Variants in DCAF5 observed in about 807,000 individuals in gnomAD.
The protein encoded by DCAF5 is DDB1- and CUL4-associated factor 5.
A neutral mutation model predicts 80.7 loss-of-function variants in DCAF5; 9 were observed. The observed-to-expected ratio is 0.11, with a 90% CI of 0.07 to 0.19. The LOEUF (loss-of-function observed/expected upper bound fraction) is 0.19, where lower values mean the gene tolerates loss of function less well. DCAF5 is among the 10% of genes least tolerant of loss of function. DCAF5 has a pLI of 1.00. For missense variants in DCAF5, 842 were observed against 1,205.7 expected (o/e 0.70, Z 4.47); for synonymous variants, 433 against 461.9 (o/e 0.94, Z 0.80).
intron 6 of DCAF5, chr14:69,084,860 A>G: frequency 1.7e-6 from 2 of 1,177,670 alleles, no homozygotes; most frequent in Non-Finnish European, 2.5e-6. Flanking sequence ...TACTGAAGTC[A>G]ACTGGATTGT....
At chr14:69,091,925 G>A (rs529568811) in intron 5 of DCAF5, 38 bp from the exon 6 acceptor site, 35 of 1,539,356 alleles carry the variant, frequency 2.3e-5, no homozygotes, top group Non-Finnish European at 3.1e-5. Context: ...GCATGAGATA[G>A]GCTAAACAAG....
intron 6 of DCAF5, among the ~76,000 whole-genome samples, chr14:69,086,221 G>A (rs1386680611): frequency 2.0e-5 from 3 of 152,126 alleles, no homozygotes; most frequent in Non-Finnish European, 4.4e-5. Context: ...AACCGGGCGT[G>A]GTGGCGCGTG....
Position 69,081,920 on chromosome 14 carries a change from T to C in DCAF5, c.880-6509A>G, listed in dbSNP as rs115245753. 2.2e-3 allele frequency among the ~76,000 whole-genome samples: 334 copies of C among 152,344 alleles called. 3 individuals are homozygous for C. The highest frequency in any genetic ancestry group is 7.5e-3 in the African/African-American group (312 of 41,578). ...GGCTCCTTCCATAGTAATTGATTAA[T>C]GATTCTCCAGTAAATGGCATGCCTG... On this transcript the variant is annotated intron_variant, in intron 6 of 8. Coordinates refer to ENST00000341516, the MANE Select transcript of DCAF5 (RefSeq NM_003861.3).
At chr14:69,102,016 C>T (rs1032964076) in intron 5 of DCAF5, among the ~76,000 whole-genome samples, 1 of 151,990 alleles carries the variant, frequency 6.6e-6, no homozygotes, top group African/African-American at 2.4e-5. Flanking sequence ...TACACTACCA[C>T]CATAGACTAT....
At chr14:69,128,641 G>T (rs372512396) in intron 1 of DCAF5, among the ~76,000 whole-genome samples, 2 of 152,138 alleles carry the variant, frequency 1.3e-5, no homozygotes, top group Non-Finnish European at 2.9e-5. Context: ...AATATTGTGC[G>T]CCTGTAGTCC....
chr14:69,109,155 C>T (rs917931384), intron 5 of DCAF5, among the ~76,000 whole-genome samples: 1 of 151,940 alleles, frequency 6.6e-6, no homozygotes, highest in Admixed American at 6.6e-5. Flanking sequence ...TCCTGGCTAA[C>T]AAGGTGAAAC....
intron 5 of DCAF5, among the ~76,000 whole-genome samples, chr14:69,109,843 TGA>T (rs2040294798): frequency 6.6e-6 from 1 of 151,686 alleles, no homozygotes; most frequent in Non-Finnish European, 1.5e-5. Flanking sequence ...TACTTAAGAG[TGA>T]GATTGCTGGG....
chr14:69,067,964 A>C (rs1441379880), intron 7 of DCAF5, among the ~76,000 whole-genome samples: 2 of 152,098 alleles, frequency 1.3e-5, no homozygotes, highest in African/African-American at 4.8e-5. Context: ...TTTTTACTAT[A>C]ATGTAGTTAA....
intron 1 of DCAF5, among the ~76,000 whole-genome samples, chr14:69,151,642 C>CA (rs1480510232): frequency 2.0e-5 from 3 of 152,292 alleles, no homozygotes; most frequent in Middle Eastern, 6.8e-3. Flanking sequence ...CCCTAGCCCT[C>CA]ACGTAGGCCC....
intron 1 of DCAF5, among the ~76,000 whole-genome samples, chr14:69,133,918 A>G (rs75258359): frequency 0.033 from 4,975 of 152,338 alleles, 155 homozygotes; most frequent in Admixed American, 0.093. Context: ...CCAAAATCAG[A>G]TGACTAATAG....
At chr14:69,070,790 CTT>C (rs67836121) in intron 7 of DCAF5, among the ~76,000 whole-genome samples, 25 of 144,326 alleles carry the variant, frequency 1.7e-4, no homozygotes, top group Non-Finnish European at 1.5e-4. Flanking sequence ...TTTTATTTTT[CTT>C]TTTTTTTTTT....
intron 1 of DCAF5, among the ~76,000 whole-genome samples, chr14:69,130,560 G>T (rs952677747): frequency 6.6e-6 from 1 of 152,072 alleles, no homozygotes; most frequent in African/African-American, 2.4e-5. Flanking sequence ...ACTTAAAAAT[G>T]GTTAAAATGG....
rs1380710232 is a variant in DCAF5, at chr14:69,152,996, C to T, written c.-18G>A. The T allele has an allele frequency of 2.0e-6, 3 of 1,535,148 alleles. No homozygotes were observed. The highest frequency in any genetic ancestry group is 2.6e-6 in the Non-Finnish European group (3 of 1,147,062). On this transcript the variant is annotated 5_prime_UTR_variant, in exon 1 of 9. Coordinates refer to ENST00000341516, the MANE Select transcript of DCAF5 (RefSeq NM_003861.3). This position sits in a 1 kb window ranked among gnomAD's most constrained non-coding sequence, Gnocchi z 4.1. ...CTCTTCATGCTGGAACCGCCGCCGC[C>T]GCCGCTCGCGCCGCCGCCCCTCCCT...
At chr14:69,127,384 A>G (rs1390941964) in intron 1 of DCAF5, among the ~76,000 whole-genome samples, 2 of 152,242 alleles carry the variant, frequency 1.3e-5, no homozygotes, top group Non-Finnish European at 2.9e-5. Context: ...AAAAAAGCCA[A>G]TCTGAAAAGG....
Position 69,054,052 on chromosome 14 carries a change from G to C in DCAF5, c.2634C>G (p.Leu878=). The change falls in exon 9 of 9, where the codon CTC becomes CTG. Residue 878 remains leucine, a synonymous_variant. Coordinates refer to ENST00000341516, the MANE Select transcript of DCAF5 (RefSeq NM_003861.3). ...DRDNSSLTGT[L]LHKDCCGSEM... is the part of the protein sequence containing the mutation. ...CAGACCCGCAACAATCTTTGTGTAG[G>C]AGTGTCCCTGTCAGGGACGAGTTAT... The C allele has an allele frequency of 6.2e-7, 1 of 1,614,054 alleles. No homozygotes were observed. Among genetic ancestry groups the C allele is most frequent in the Non-Finnish European group, 8.5e-7 (1 of 1,179,896 alleles).
At chr14:69,121,763 T>G (rs997209978) in intron 2 of DCAF5, among the ~76,000 whole-genome samples, 5 of 152,234 alleles carry the variant, frequency 3.3e-5, no homozygotes, top group Non-Finnish European at 7.4e-5. Context: ...CACCAGCCAT[T>G]CCAATTGTAC....
intron 1 of DCAF5, among the ~76,000 whole-genome samples, chr14:69,145,043 A>G (rs76647108): frequency 6.6e-6 from 1 of 152,146 alleles, no homozygotes; most frequent in Non-Finnish European, 1.5e-5. Context: ...CCATATCAAC[A>G]TAACACTTTT....
At position 69,054,957 on chromosome 14, in the gene DCAF5, G is replaced by A. The variant is rs72718273; in HGVS notation, c.1729C>T (p.Arg577Cys). 3.2e-4 allele frequency: 512 copies of A among 1,614,232 alleles called. 1 individual carries two copies. Among genetic ancestry groups the A allele is most frequent in the Non-Finnish European group, 3.7e-4 (442 of 1,180,048 alleles). ...SSEDEEELNE[R>C]RASTWQRNAM... Reference sequence around the variant, plus strand: ...TTCCGCTGCCAGGTAGAGGCTCGGCGTTCATTCAGCTCCTCCTCATCCTCA... The same window carrying A: ...TTCCGCTGCCAGGTAGAGGCTCGGCATTCATTCAGCTCCTCCTCATCCTCA... The change falls in exon 9 of 9, where the codon CGC becomes TGC. Residue 577 changes from arginine to cysteine, a missense_variant. Physicochemically the swap from Arg to Cys is radical, Grantham distance 180 (BLOSUM62 -3). Coordinates refer to ENST00000341516, the MANE Select transcript of DCAF5 (RefSeq NM_003861.3).
At chr14:69,114,256 G>A (rs908741073) in intron 5 of DCAF5, among the ~76,000 whole-genome samples, 2 of 152,050 alleles carry the variant, frequency 1.3e-5, no homozygotes, top group Admixed American at 6.6e-5. Context: ...AAGTAGGCCT[G>A]GTTATAAAGA....
Sources: allele counts gnomAD v4.1 joint callset (sites outside exome capture counted in the v4.1 genomes callset), GRCh38; gene constraint gnomAD v4.1.1; non-coding constraint Gnocchi (gnomAD v3.1); transcripts MANE v1.5; gene names NCBI Gene and HGNC (gene_info 2026-07-23, HGNC 2026-07-21).